Variants in CD164 observed in about 807,000 individuals in gnomAD.
The protein encoded by CD164 is sialomucin core protein 24.
A neutral mutation model predicts 24.6 loss-of-function variants in CD164; 11 were observed. That is an observed-to-expected ratio of 0.45 (90% CI 0.28 to 0.74). CD164 has a LOEUF of 0.74. Among genes scored for constraint, CD164 ranks in the 30% least tolerant of loss-of-function variants. The pLI, the probability that CD164 is intolerant of heterozygous loss-of-function variation, is 0.13. For missense variants in CD164, 295 were observed against 243.7 expected (o/e 1.21, Z -1.40); for synonymous variants, 126 against 100.3 (o/e 1.26, Z -1.53).
Position 109,368,590 on chromosome 6 carries a change from A to T in CD164, c.*261T>A. The T allele has an allele frequency of 7.4e-7, 1 of 1,345,722 alleles. No homozygotes were observed. The highest frequency in any genetic ancestry group is 9.5e-7 in the Non-Finnish European group (1 of 1,054,468). The allele number at this position is 1,345,722 out of a possible 1,614,324, so 83.4% of individuals were successfully genotyped here. A position where few individuals can be genotyped will look rare whatever the true frequency, so the allele number is the denominator to read the frequency against. On this transcript the variant is annotated 3_prime_UTR_variant, in exon 6 of 6. Transcript: ENST00000310786. ...TTATATTTGGCATGTTAAGGAAAAAAAATATAATCCCACAGCAGCAGCTAT... is the reference window on the plus strand; with the variant it reads ...TTATATTTGGCATGTTAAGGAAAAATAATATAATCCCACAGCAGCAGCTAT...
At chr6:109,376,467 G>C (rs1270647089) in intron 3 of CD164, among the ~76,000 whole-genome samples, 5 of 152,210 alleles carry the variant, frequency 3.3e-5, no homozygotes, top group Admixed American at 6.6e-5. Flanking sequence ...GTGATGGCTG[G>C]AACATAAGGA....
At position 109,379,603 on chromosome 6, in the gene CD164, T is replaced by C. The variant is rs771590390; in HGVS notation, c.235A>G (p.Thr79Ala). Residue 79 changes from threonine (T) to alanine (A), a missense_variant, in exon 2 of 6, where the codon ACC becomes GCC. Coordinates refer to ENST00000310786, the MANE Select transcript of CD164 (RefSeq NM_006016.6). Reference sequence around the variant, plus strand: ...CCTTTACATTCTATCCAAAAGCAGGTAGTATTAACAACGCTAACATTAAAA... The same window carrying C: ...CCTTTACATTCTATCCAAAAGCAGGCAGTATTAACAACGCTAACATTAAAA... ...SCFNVSVVNT[T>A]CFWIECKDES... 1 of 1,613,288 alleles carries C rather than the reference T, an allele frequency of 6.2e-7. No individual in the cohort carries two copies. Among genetic ancestry groups the C allele is most frequent in the Non-Finnish European group, 8.5e-7 (1 of 1,179,676 alleles).
intron 2 of CD164, among the ~76,000 whole-genome samples, chr6:109,379,362 T>C (rs1771604217): frequency 6.6e-6 from 1 of 152,120 alleles, no homozygotes; most frequent in South Asian, 2.1e-4. Context: ...CGACTGAGCT[T>C]TAATTATCAA....
chr6:109,370,418 A>C lies in CD164; in HGVS notation c.420T>G (p.Thr140=), dbSNP rs562238936. 148 of 1,611,966 alleles carry C rather than the reference A, an allele frequency of 9.2e-5. 3 individuals carry two copies. In the South Asian group the frequency reaches 1.6e-3, roughly 17 times the overall value. Residue 140 remains threonine (T), a synonymous_variant, in exon 5 of 6, where the codon ACT becomes ACG. Transcript: ENST00000310786. ...PSPSTTSKTV[T]TSGTTNNTVT... is the part of the protein sequence containing the mutation. ...CTAAAAAGCCTCAATTACCTGATGTAGTAACTGTCTTGGAAGTTGTAGAAG... is the reference window on the plus strand; with the variant it reads ...CTAAAAAGCCTCAATTACCTGATGTCGTAACTGTCTTGGAAGTTGTAGAAG...
At chr6:109,375,373 T>C (rs1298207816) in intron 4 of CD164, among the ~76,000 whole-genome samples, 1 of 151,920 alleles carries the variant, frequency 6.6e-6, no homozygotes, top group Non-Finnish European at 1.5e-5. Flanking sequence ...TCCCGGCTCT[T>C]TGGGAGTCTG....
intron 1 of CD164, 189 bp downstream of exon 1, chr6:109,382,015 C>T: frequency 2.3e-6 from 1 of 433,072 alleles, no homozygotes; most frequent in East Asian, 4.1e-5. Flanking sequence ...CCCCCCAGCG[C>T]GCTCCCCACC....
intron 4 of CD164, among the ~76,000 whole-genome samples, chr6:109,374,160 A>T (rs2115154412): frequency 6.6e-6 from 1 of 152,124 alleles, no homozygotes; most frequent in East Asian, 1.9e-4. Flanking sequence ...TCTGGTCTTC[A>T]AGCCCCATCC....
intron 4 of CD164, among the ~76,000 whole-genome samples, chr6:109,374,949 A>G (rs1234137722): frequency 6.6e-6 from 1 of 152,216 alleles, no homozygotes; most frequent in Non-Finnish European, 1.5e-5. Flanking sequence ...TACAGTAGAC[A>G]AAATGCTGGC....
chr6:109,376,052 G>A (rs1490070805), intron 4 of CD164, 22 bp downstream of exon 4: 6 of 1,547,652 alleles, frequency 3.9e-6, no homozygotes, highest in Non-Finnish European at 4.3e-6. Context: ...GGAAAAGGAA[G>A]AAAACAGTCA....
At position 109,368,495 on chromosome 6, in the gene CD164, A is replaced by G. The variant is rs1362346804; in HGVS notation, c.*356T>C. 1 of 1,356,790 alleles carries G rather than the reference A, an allele frequency of 7.4e-7. No individual in the cohort carries two copies. Among genetic ancestry groups the G allele is most frequent in the East Asian group, 2.8e-5 (1 of 35,326 alleles). The allele number at this position is 1,356,790 out of a possible 1,614,324, so 84.0% of individuals were successfully genotyped here. A position where few individuals can be genotyped will look rare whatever the true frequency, so the allele number is the denominator to read the frequency against. The stretch of plus-strand genomic sequence containing the variant: ...CAATTCTGTTCACTAAATTAAAATT[A>G]CTAAATTTAAACTGCCAAGAGCCAT... On this transcript the variant is annotated 3_prime_UTR_variant, in exon 6 of 6. Coordinates refer to ENST00000310786, the MANE Select transcript of CD164 (RefSeq NM_006016.6).
intron 3 of CD164, 56 bp downstream of exon 3, chr6:109,377,844 A>AT: frequency 7.8e-7 from 1 of 1,277,646 alleles, no homozygotes; most frequent in Non-Finnish European, 1.1e-6. Flanking sequence ...TTCTGAGGCA[A>AT]TGATCTTCCT....
intron 1 of CD164, among the ~76,000 whole-genome samples, chr6:109,381,197 CA>C (rs1771718166): frequency 6.6e-6 from 1 of 152,192 alleles, no homozygotes; most frequent in African/African-American, 2.4e-5. Context: ...CTTATTACCT[CA>C]AACTTATCTT....
At chr6:109,375,274 TA>T (rs1371220936) in intron 4 of CD164, among the ~76,000 whole-genome samples, 1 of 152,072 alleles carries the variant, frequency 6.6e-6, no homozygotes, top group Non-Finnish European at 1.5e-5. Flanking sequence ...CCTAATTCTC[TA>T]ATCAAGAGCA....
At chr6:109,370,286 A>G (rs1011383663) in intron 5 of CD164, 125 bp downstream of exon 5, 4 of 735,396 alleles carry the variant, frequency 5.4e-6, no homozygotes, top group Non-Finnish European at 9.5e-6. Context: ...CCCCCCTAAG[A>G]GTAAGAGAAG....
In CD164 at chr6:109,376,001, T is replaced by G. The variant is rs76123535; in HGVS notation, c.370+73A>C. ...ATTATACTAACAACTTTTACATAAT[T>G]ATTTAAAACTAATCCATCAAGAAAG... On this transcript the variant is annotated intron_variant, in intron 4 of 5. Coordinates refer to ENST00000310786, the MANE Select transcript of CD164 (RefSeq NM_006016.6). 117 of 1,134,862 alleles carry G rather than the reference T, an allele frequency of 1.0e-4. No homozygotes were observed. The East Asian group carries it at 2.8e-3, about 27-fold the overall frequency. 70.3% of individuals were successfully genotyped at this position (1,134,862 alleles called of 1,614,324 possible). A position where few individuals can be genotyped will look rare whatever the true frequency, so the allele number is the denominator to read the frequency against.
rs2115134579 is a variant in CD164, at chr6:109,367,299, T to C, written c.*1552A>G. On this transcript the variant is annotated 3_prime_UTR_variant, in exon 6 of 6. Transcript: ENST00000310786. ...AAATCTTCATCTTAACAACCTTTAA[T>C]AGTTATCTAAATGCAGAGTTTGTTT... 6.5e-6 allele frequency: 1 copy of C among 152,766 alleles called. No homozygotes were observed. The highest frequency in any genetic ancestry group is 2.1e-4 in the South Asian group (1 of 4,834). The allele number at this position is 152,766 out of a possible 1,614,324, so 9.5% of individuals were successfully genotyped here. A position where few individuals can be genotyped will look rare whatever the true frequency, so the allele number is the denominator to read the frequency against.
Position 109,377,867 on chromosome 6 carries a change from G to C in CD164, c.331+33C>G, listed in dbSNP as rs772397811. 17 of 1,550,262 alleles carry C rather than the reference G, an allele frequency of 1.1e-5. No individual in the cohort carries two copies. In the East Asian group the frequency reaches 3.6e-4, roughly 33 times the overall value. ...CAATGATCTTCCTCACCTCTCTGCG[G>C]TCAGCTTCCAAGCAGCCAATATGAA... is the stretch of plus-strand genomic sequence containing the variant. On this transcript the variant is annotated intron_variant, in intron 3 of 5. Transcript: ENST00000310786.
At chr6:109,373,645 C>G (rs1306432217) in intron 4 of CD164, among the ~76,000 whole-genome samples, 2 of 152,200 alleles carry the variant, frequency 1.3e-5, no homozygotes, top group Admixed American at 6.5e-5. Flanking sequence ...ATTGTTCCCC[C>G]ACTCCCTGCA....
At chr6:109,372,343 C>G (rs1352078481) in intron 4 of CD164, 1 of 152,162 alleles carries the variant, frequency 6.6e-6, no homozygotes, top group Non-Finnish European at 1.5e-5. Context: ...ACTCTCGTAA[C>G]AGGCTGACTA....
Sources: allele counts gnomAD v4.1 joint callset (sites outside exome capture counted in the v4.1 genomes callset), GRCh38; gene constraint gnomAD v4.1.1; transcripts MANE v1.5; gene names NCBI Gene and HGNC (gene_info 2026-07-23, HGNC 2026-07-21).